SGPL1: variants seen among roughly 807,000 people sequenced by gnomAD.
SGPL1 encodes the protein sphingosine-1-phosphate lyase 1.
SGPL1 carries 37 observed loss-of-function variants against 68.9 expected under a neutral mutation model. The observed-to-expected ratio is 0.54, with a 90% CI of 0.41 to 0.71. SGPL1 has a LOEUF of 0.71. Among genes scored for constraint, SGPL1 ranks in the 30% least tolerant of loss-of-function variants. The probability of loss-of-function intolerance (pLI) is 0.00; values close to 1 mark genes in which losing one functional copy is unlikely to be tolerated. For synonymous variants in SGPL1, 236 were observed against 248.5 expected, an observed-to-expected ratio of 0.95 and a Z score of 0.47; for missense variants, 551 against 704.6, an observed-to-expected ratio of 0.78 and a Z score of 2.47.
At chr10:70,839,926 A>T (rs1479431392) in intron 2 of SGPL1, among the ~76,000 whole-genome samples, 8 of 152,056 alleles carry the variant, frequency 5.3e-5, no homozygotes, top group Admixed American at 4.6e-4. Context: ...TGCAAAAAAA[A>T]AAAGTCTCAT....
intron 7 of SGPL1, among the ~76,000 whole-genome samples, chr10:70,863,458 C>T (rs956087073): frequency 6.6e-6 from 1 of 151,794 alleles, no homozygotes; most frequent in African/African-American, 2.4e-5. Flanking sequence ...AGTCATGGTT[C>T]CTTGTTTCCT....
At position 70,871,253 on chromosome 10, in the gene SGPL1, C is replaced by A; in HGVS notation, c.909+107C>A. 5.8e-6 allele frequency: 4 copies of A among 686,018 alleles called. No homozygotes were observed. The South Asian group carries it at 7.8e-5, about 13-fold the overall frequency. The allele number at this position is 686,018 out of a possible 1,614,324, so 42.5% of individuals were successfully genotyped here. A position where few individuals can be genotyped will look rare whatever the true frequency, so the allele number is the denominator to read the frequency against. On this transcript the variant is annotated intron_variant, in intron 10 of 14. Transcript: ENST00000373202. ...AAGCGATTTTTTTTTTGTTTTTGAC[C>A]ACAGTAGTGATAAGTAGCTCTCATC...
intron 2 of SGPL1, among the ~76,000 whole-genome samples, chr10:70,818,621 G>T (rs984778209): frequency 1.3e-5 from 2 of 152,156 alleles, no homozygotes; most frequent in Admixed American, 6.5e-5. Flanking sequence ...GTCTGCAGGG[G>T]GGCTAAAGAA....
In SGPL1 at chr10:70,857,705, C is replaced by G. The variant is rs1564626998; in HGVS notation, c.486+15C>G. 1 of 1,586,306 alleles carries G rather than the reference C, an allele frequency of 6.3e-7. No individual in the cohort carries two copies. The highest frequency in any genetic ancestry group is 1.3e-5 in the African/African-American group (1 of 74,126). On this transcript the variant is annotated intron_variant, in intron 6 of 14. Transcript: ENST00000373202. Reference sequence around the variant, plus strand: ...TCCTTGTGAAGGTGAGTGTCCAGTTCTTGAGGGAAGCCTGTGAGGTCTGTG... The same window carrying G: ...TCCTTGTGAAGGTGAGTGTCCAGTTGTTGAGGGAAGCCTGTGAGGTCTGTG...
At chr10:70,838,945 CAG>C (rs1845673375) in intron 2 of SGPL1, among the ~76,000 whole-genome samples, 1 of 152,138 alleles carries the variant, frequency 6.6e-6, no homozygotes, top group South Asian at 2.1e-4. Flanking sequence ...GTTTGAAACT[CAG>C]TGGTCTAACA....
chr10:70,817,077 T>TG (rs1449394632), intron 2 of SGPL1, among the ~76,000 whole-genome samples, 197 bp downstream of exon 2: 1 of 152,242 alleles, frequency 6.6e-6, no homozygotes, highest in Admixed American at 6.5e-5. Context: ...TGGGGTGCAG[T>TG]GGCATGATCT....
At chr10:70,866,396 CAAAA>C (rs761504058) in intron 7 of SGPL1, 2 of 151,304 alleles carry the variant, frequency 1.3e-5, no homozygotes, top group East Asian at 1.9e-4. Context: ...CAAAAAAAAA[CAAAA>C]AAGAAAAAAG....
intron 2 of SGPL1, among the ~76,000 whole-genome samples, chr10:70,832,620 C>T (rs981575681): frequency 2.0e-5 from 3 of 152,250 alleles, no homozygotes; most frequent in Middle Eastern, 6.8e-3. Flanking sequence ...AAGAAATTAT[C>T]ATTTCTAGTT....
chr10:70,877,082 A>T, intron 14 of SGPL1, 113 bp from the exon 15 acceptor site: 2 of 972,948 alleles, frequency 2.1e-6, no homozygotes, highest in Non-Finnish European at 3.2e-6. Context: ...GAAATGGGGT[A>T]GGGCAGTGCA....
At chr10:70,838,908 G>A (rs908575893) in intron 2 of SGPL1, among the ~76,000 whole-genome samples, 9 of 152,166 alleles carry the variant, frequency 5.9e-5, no homozygotes, top group Admixed American at 2.6e-4. Context: ...TCTCATACAC[G>A]TAGACTCTAA....
intron 2 of SGPL1, among the ~76,000 whole-genome samples, chr10:70,837,436 C>A (rs1845643571): frequency 6.6e-6 from 1 of 152,104 alleles, no homozygotes; most frequent in Non-Finnish European, 1.5e-5. Context: ...GTTGTCTTGG[C>A]CTCTTTTTCT....
chr10:70,854,876 A>G (rs748358404), intron 5 of SGPL1, 21 bp downstream of exon 5: 2 of 1,572,762 alleles, frequency 1.3e-6, no homozygotes, highest in Non-Finnish European at 1.7e-6. Context: ...TGGCATATAC[A>G]TGCTCTCTAC....
intron 2 of SGPL1, among the ~76,000 whole-genome samples, chr10:70,832,431 A>G (rs1845558117): frequency 6.6e-6 from 1 of 152,170 alleles, no homozygotes; most frequent in Admixed American, 6.5e-5. Context: ...ATGGTTATGA[A>G]AAGTCTAAGT....
chr10:70,841,120 C>G (rs1589455311), intron 2 of SGPL1, among the ~76,000 whole-genome samples: 1 of 152,086 alleles, frequency 6.6e-6, no homozygotes, highest in East Asian at 1.9e-4. Flanking sequence ...TGATGATAGA[C>G]TCCTCTGGTC....
intron 7 of SGPL1, 41 bp from the exon 8 acceptor site, chr10:70,868,304 T>A: frequency 6.9e-7 from 1 of 1,456,688 alleles, no homozygotes; most frequent in Non-Finnish European, 9.5e-7. Flanking sequence ...GCCGGGGCAT[T>A]CCTGACTCCC....
At chr10:70,822,899 G>A (rs1370565660) in intron 2 of SGPL1, among the ~76,000 whole-genome samples, 2 of 150,514 alleles carry the variant, frequency 1.3e-5, no homozygotes, top group East Asian at 3.9e-4. Flanking sequence ...ACAGAGATAT[G>A]CAGATGATAT....
chr10:70,869,663 TA>T, intron 8 of SGPL1, 128 bp from the exon 9 acceptor site: 1 of 712,828 alleles, frequency 1.4e-6, no homozygotes, highest in Non-Finnish European at 2.3e-6. Context: ...TAGAGCAGTC[TA>T]AACACTTAAA....
chr10:70,849,417 GGTATGTATTACA>G (rs1176574799), intron 3 of SGPL1, among the ~76,000 whole-genome samples: 24 of 152,242 alleles, frequency 1.6e-4, no homozygotes, highest in Middle Eastern at 3.4e-3. Flanking sequence ...CAGAATCTCA[GGTATGTATTACA>G]GTGTGTAGAA....
chr10:70,838,225 A>G (rs887197095), intron 2 of SGPL1, among the ~76,000 whole-genome samples: 3 of 152,192 alleles, frequency 2.0e-5, no homozygotes, highest in Non-Finnish European at 2.9e-5. Flanking sequence ...TCTTTTAGTA[A>G]TATTCATTTG....
Sources: allele counts gnomAD v4.1 joint callset (sites outside exome capture counted in the v4.1 genomes callset), GRCh38; gene constraint gnomAD v4.1.1; transcripts MANE v1.5; gene names NCBI Gene and HGNC (gene_info 2026-07-23, HGNC 2026-07-21).